The following CSMD1 variants were observed in gnomAD, a reference collection of about 807,000 sequenced individuals.
CSMD1 encodes the protein CUB and sushi domain-containing protein 1.
In CSMD1, 213 loss-of-function variants were observed where a neutral mutation model predicts 417.5. The observed-to-expected ratio is 0.51, with a 90% CI of 0.46 to 0.57. The LOEUF is 0.57. CSMD1 is among the 20% of genes least tolerant of loss of function. The pLI, the probability that CSMD1 is intolerant of heterozygous loss-of-function variation, is 0.00. For missense variants in CSMD1, 6,923 were observed against 4,529.7 expected, an observed-to-expected ratio of 1.53 and a Z score of -15.17; for synonymous variants, 2,862 against 1,736.8, an observed-to-expected ratio of 1.65 and a Z score of -16.11.
chr8:3,331,371 T>C (rs1394996787), intron 23 of CSMD1, among the ~76,000 whole-genome samples: 1 of 152,220 alleles, frequency 6.6e-6, no homozygotes, highest in African/African-American at 2.4e-5. Flanking sequence ...TAATTTCAGA[T>C]GTTTGCTAAC....
chr8:4,193,733 A>G (rs1799171449), intron 3 of CSMD1, among the ~76,000 whole-genome samples: 1 of 152,158 alleles, frequency 6.6e-6, no homozygotes, highest in South Asian at 2.1e-4. Flanking sequence ...TCTCCACAGG[A>G]GAATGTTTAA....
chr8:4,347,755 G>A (rs1028521182), intron 3 of CSMD1, among the ~76,000 whole-genome samples: 6 of 152,042 alleles, frequency 3.9e-5, no homozygotes, highest in African/African-American at 1.4e-4. Context: ...AGCATGTATT[G>A]CCAAGTTGTA....
rs187892500 is a variant in CSMD1 at position 3,189,732 on chromosome 8, T to C, written c.5398+180A>G. Among the ~76,000 whole-genome samples the C allele has an allele frequency of 2.5e-3, 322 of 130,416 alleles. 4 individuals are homozygous for C. Among genetic ancestry groups the C allele is most frequent in the African/African-American group, 7.4e-3 (291 of 39,276 alleles). 85.6% of individuals were successfully genotyped at this position (130,416 alleles called of 152,430 possible). A position where few individuals can be genotyped will look rare whatever the true frequency, so the allele number is the denominator to read the frequency against. ...TCCTTGTTAAGATGATGAGTTGTTT[T>C]ATGAAACACAATAATTTTTAGGGTT... is the stretch of plus-strand genomic sequence containing the variant. On this transcript the variant is annotated intron_variant, in intron 34 of 69. Coordinates refer to ENST00000635120, the MANE Select transcript of CSMD1 (RefSeq NM_033225.6).
intron 4 of CSMD1, among the ~76,000 whole-genome samples, chr8:4,005,668 T>C (rs562561608): frequency 6.6e-6 from 1 of 152,242 alleles, no homozygotes; most frequent in Non-Finnish European, 1.5e-5. Flanking sequence ...TATTTGGTGC[T>C]TTCTTCCCAC....
At chr8:3,407,392 G>GATGGATGGAAGGATGA (rs1180617720) in intron 14 of CSMD1, among the ~76,000 whole-genome samples, 1 of 151,336 alleles carries the variant, frequency 6.6e-6, no homozygotes, top group Non-Finnish European at 1.5e-5. Flanking sequence ...TGGAACGATG[G>GATGGATGGAAGGATGA]ATGGATGGAA....
intron 5 of CSMD1, among the ~76,000 whole-genome samples, chr8:3,775,528 A>G (rs1171089675): frequency 2.0e-5 from 3 of 152,178 alleles, no homozygotes; most frequent in African/African-American, 7.2e-5. Context: ...TCCTAATATT[A>G]AAAGCAGGGA....
At chr8:4,814,550 T>C (rs1799095741) in intron 1 of CSMD1, among the ~76,000 whole-genome samples, 1 of 152,194 alleles carries the variant, frequency 6.6e-6, no homozygotes, top group Non-Finnish European at 1.5e-5. Context: ...AATAGATTAA[T>C]TATAGCCCAG....
intron 5 of CSMD1, among the ~76,000 whole-genome samples, chr8:3,890,651 T>C (rs1037705072): frequency 6.6e-6 from 1 of 151,960 alleles, no homozygotes; most frequent in Non-Finnish European, 1.5e-5. Context: ...ATATTTCTAG[T>C]CCCCAAATTT....
intron 12 of CSMD1, among the ~76,000 whole-genome samples, chr8:3,466,445 T>G (rs1323020785): frequency 6.6e-6 from 1 of 152,104 alleles, no homozygotes; most frequent in Non-Finnish European, 1.5e-5. Flanking sequence ...AGTCTCACTC[T>G]GTTGCCTAGG....
chr8:3,626,263 G>T (rs565454491), intron 7 of CSMD1, among the ~76,000 whole-genome samples: 2 of 152,300 alleles, frequency 1.3e-5, no homozygotes, highest in Admixed American at 1.3e-4. Flanking sequence ...TTCTGCTCTA[G>T]TCTCCTTCTG....
chr8:3,663,151 G>C (rs1445213881), intron 7 of CSMD1, among the ~76,000 whole-genome samples: 2 of 152,142 alleles, frequency 1.3e-5, no homozygotes, highest in Non-Finnish European at 2.9e-5. Context: ...ACAAAGAAAA[G>C]GTTAGGAAGA....
At chr8:4,106,939 G>C (rs1465555587) in intron 3 of CSMD1, among the ~76,000 whole-genome samples, 1 of 152,140 alleles carries the variant, frequency 6.6e-6, no homozygotes, top group Non-Finnish European at 1.5e-5. Flanking sequence ...ACGCGTTGTG[G>C]TTCTCAGTTT....
At chr8:3,983,234 C>T (rs1000242155) in intron 5 of CSMD1, among the ~76,000 whole-genome samples, 3 of 151,340 alleles carry the variant, frequency 2.0e-5, no homozygotes, top group Non-Finnish European at 4.4e-5. Context: ...GGGTTCACGC[C>T]ATTCTCCTGC....
At chr8:4,312,644 A>C (rs756602784) in intron 3 of CSMD1, among the ~76,000 whole-genome samples, 127 of 151,764 alleles carry the variant, frequency 8.4e-4, no homozygotes, top group Admixed American at 4.1e-3. Flanking sequence ...TGGGAGGCCG[A>C]GGTGAGTGGA....
intron 51 of CSMD1, among the ~76,000 whole-genome samples, chr8:3,019,599 A>G (rs7845394): frequency 0.056 from 8,479 of 152,266 alleles, 251 homozygotes; most frequent in East Asian, 0.079. Context: ...GCTTTCCACA[A>G]ACTAAAACGT....
At chr8:4,772,892 T>C (rs535545284) in intron 1 of CSMD1, among the ~76,000 whole-genome samples, 46 of 152,316 alleles carry the variant, frequency 3.0e-4, no homozygotes, top group African/African-American at 1.1e-3. Flanking sequence ...TTATTAATGA[T>C]GAATAACGTA....
chr8:3,137,055 C>G (rs1818143520), intron 41 of CSMD1, among the ~76,000 whole-genome samples: 1 of 152,018 alleles, frequency 6.6e-6, no homozygotes, highest in South Asian at 2.1e-4. Context: ...TGGGTAATTA[C>G]TACATCTGTA....
chr8:4,439,795 G>A (rs1009644824), intron 2 of CSMD1, among the ~76,000 whole-genome samples: 6 of 152,172 alleles, frequency 3.9e-5, no homozygotes, highest in Non-Finnish European at 8.8e-5. Flanking sequence ...GTGACTTTGA[G>A]AAGAGATGTA....
intron 17 of CSMD1, among the ~76,000 whole-genome samples, chr8:3,394,941 G>T (rs73173186): frequency 6.6e-6 from 1 of 152,016 alleles, no homozygotes; most frequent in Non-Finnish European, 1.5e-5. Context: ...TCTAAAAGTA[G>T]ACAAAATCTT....
Sources: allele counts gnomAD v4.1 joint callset (sites outside exome capture counted in the v4.1 genomes callset), GRCh38; gene constraint gnomAD v4.1.1; transcripts MANE v1.5; gene names NCBI Gene and HGNC (gene_info 2026-07-23, HGNC 2026-07-21).